The following KIF5A variants were observed in gnomAD, a reference collection of about 807,000 sequenced individuals.
KIF5A encodes kinesin family member 5A, also known as kinesin heavy chain isoform 5A.
KIF5A carries 35 observed loss-of-function variants against 141.3 expected under a neutral mutation model. The observed-to-expected ratio is 0.25, with a 90% confidence interval of 0.19 to 0.33. The LOEUF (loss-of-function observed/expected upper bound fraction) is 0.33. KIF5A is among the 10% of genes least tolerant of loss of function. The pLI, the probability that KIF5A is intolerant of heterozygous loss-of-function variation, is 1.00. For synonymous variants in KIF5A, 448 were observed against 500.2 expected (o/e 0.90, Z 1.39); for missense variants, 861 against 1,314.3 (o/e 0.66, Z 5.33).
Position 57,550,132 on chromosome 12 carries a change from T to G in KIF5A, c.-140T>G, listed in dbSNP as rs1259386474. 2.5e-6 allele frequency: 3 copies of G among 1,221,044 alleles called. No homozygotes were observed. The East Asian group carries it at 7.1e-5, about 29-fold the overall frequency. 75.6% of individuals were successfully genotyped at this position (1,221,044 alleles called of 1,614,324 possible). A position where few individuals can be genotyped will look rare whatever the true frequency, so the allele number is the denominator to read the frequency against. On this transcript the variant is annotated 5_prime_UTR_variant, in exon 1 of 29. Transcript: ENST00000455537. This position sits in a 1 kb window ranked among gnomAD's most constrained non-coding sequence, Gnocchi z 4.6. Reference sequence around the variant, plus strand: ...CGCGCCCCGGCCCTGCTCCCCAGGCTTCGCCCGGGCGCCCTCAACTCTGTC... The same window carrying G: ...CGCGCCCCGGCCCTGCTCCCCAGGCGTCGCCCGGGCGCCCTCAACTCTGTC...
chr12:57,557,289 A>T (rs1284530032), intron 1 of KIF5A, among the ~76,000 whole-genome samples: 1 of 152,098 alleles, frequency 6.6e-6, no homozygotes, highest in Non-Finnish European at 1.5e-5. Context: ...TTGGCTTGAG[A>T]TAGACATATT....
In KIF5A at chr12:57,562,307, C is replaced by T. The variant is rs144265135; in HGVS notation, c.130-1132C>T. On this transcript the variant is annotated intron_variant, in intron 1 of 28. Coordinates refer to ENST00000455537, the MANE Select transcript of KIF5A (RefSeq NM_004984.4). ...CTTGGCTCACTGCAACCTCCGCCTC[C>T]TGGGTTCAAGCGATTCTCCTGCCTC... Among the ~76,000 whole-genome samples the T allele has an allele frequency of 4.8e-3, 735 of 152,280 alleles. 5 individuals are homozygous for T. Among genetic ancestry groups the T allele is most frequent in the African/African-American group, 0.017 (686 of 41,552 alleles).
At chr12:57,567,917 C>G (rs577978319) in intron 8 of KIF5A, among the ~76,000 whole-genome samples, 1 of 150,856 alleles carries the variant, frequency 6.6e-6, no homozygotes, top group Admixed American at 6.6e-5. Context: ...GATTCTTGCT[C>G]TGTCACCCAG....
rs371860261 is a variant in KIF5A, at chr12:57,551,998, A to AAAAAC, written c.129+1621_129+1625dup. On this transcript the variant is annotated intron_variant, in intron 1 of 28. Transcript: ENST00000455537. ...GCAGTCTGTTCAGTCTGGCTGGGCT[A>AAAAAC]AAAACAAAACAAAACAAAACAAAAC... is the stretch of plus-strand genomic sequence containing the variant. 2.2e-3 allele frequency among the ~76,000 whole-genome samples: 335 copies of AAAAAC among 151,852 alleles called. 2 individuals are homozygous for AAAAAC. Among genetic ancestry groups the AAAAAC allele is most frequent in the African/African-American group, 5.6e-3 (232 of 41,476 alleles).
intron 15 of KIF5A, among the ~76,000 whole-genome samples, chr12:57,573,701 T>C (rs1882327997): frequency 6.6e-6 from 1 of 151,696 alleles, no homozygotes; most frequent in South Asian, 2.1e-4. Context: ...TGGTGGCTCA[T>C]GCCTGTAATC....
intron 1 of KIF5A, among the ~76,000 whole-genome samples, chr12:57,562,359 G>C (rs1207565343): frequency 6.6e-6 from 1 of 152,182 alleles, no homozygotes; most frequent in African/African-American, 2.4e-5. Flanking sequence ...GGGATTACAG[G>C]TGCCTGCCAC....
At chr12:57,580,872 AC>A (rs1882573923) in intron 23 of KIF5A, 83 bp from the exon 24 acceptor site, 1 of 1,249,466 alleles carries the variant, frequency 8.0e-7, no homozygotes, top group Non-Finnish European at 1.2e-6. Flanking sequence ...CTCTCTCCTC[AC>A]CCCTGTCCCC....
intron 1 of KIF5A, among the ~76,000 whole-genome samples, chr12:57,563,099 C>T (rs1028013436): frequency 7.3e-5 from 11 of 151,552 alleles, no homozygotes; most frequent in South Asian, 2.1e-4. Context: ...CTCTGCCTCT[C>T]GGGTTCAAGC....
chr12:57,567,462 G>A (rs1263767850), intron 7 of KIF5A, 32 bp from the exon 8 acceptor site: 3 of 1,611,612 alleles, frequency 1.9e-6, no homozygotes, highest in Admixed American at 1.7e-5. Flanking sequence ...CTGCAGGGTG[G>A]TGCAGGTCCT....
intron 27 of KIF5A, chr12:57,582,883 G>C: frequency 1.6e-6 from 1 of 638,564 alleles, no homozygotes; most frequent in South Asian, 1.8e-5. Context: ...AACAACGTGG[G>C]CATCTGACGA....
Position 57,571,523 on chromosome 12 carries a change from G to C in KIF5A, c.1362+134G>C, listed in dbSNP as rs181021103. On this transcript the variant is annotated intron_variant, in intron 13 of 28. Transcript: ENST00000455537. ...GGATTAATCACTCCCCTAAACAGCA[G>C]AAGTCTGGGAACCTCACTGGGGCTT... is the stretch of plus-strand genomic sequence containing the variant. The C allele has an allele frequency of 2.1e-5, 17 of 808,914 alleles. No homozygotes were observed. The East Asian group carries it at 4.6e-4, about 22-fold the overall frequency. The allele number at this position is 808,914 out of a possible 1,614,324, so 50.1% of individuals were successfully genotyped here. A position where few individuals can be genotyped will look rare whatever the true frequency, so the allele number is the denominator to read the frequency against.
rs1363391519 is a variant in KIF5A, at chr12:57,578,291, G to T, written c.2487G>T (p.Lys829Asn). 6.2e-7 allele frequency: 1 copy of T among 1,614,110 alleles called. No homozygotes were observed. The highest frequency in any genetic ancestry group is 1.7e-5 in the Admixed American group (1 of 60,012). ...GGGGGATTCACTCCCAAAAGCAGAA[G>T]ATTTCCTTTCTTGAGAACAACCTGG... ...DSGGIHSQKQ[K>N]ISFLENNLEQ... Residue 829 changes from lysine (K) to asparagine (N), a missense_variant, in exon 23 of 29, where the codon AAG (lysine) becomes AAT (asparagine). Physicochemically the swap from Lys to Asn is moderately conservative, Grantham distance 94. This residue lies in a region of KIF5A where 482 missense variants were observed against 661.3 expected (regional missense o/e 0.73). Transcript: ENST00000455537.
At chr12:57,574,734 T>C (rs1882368628) in intron 15 of KIF5A, among the ~76,000 whole-genome samples, 2 of 151,696 alleles carry the variant, frequency 1.3e-5, no homozygotes, top group South Asian at 2.1e-4. Context: ...GCATGTGCCA[T>C]GATGCTTGGC....
At chr12:57,557,434 A>G (rs1881779800) in intron 1 of KIF5A, among the ~76,000 whole-genome samples, 1 of 152,118 alleles carries the variant, frequency 6.6e-6, no homozygotes, top group South Asian at 2.1e-4. Context: ...CAACACTAAT[A>G]CATTTTAATT....
Position 57,572,078 on chromosome 12 carries a change from A to G in KIF5A, c.1380A>G (p.Arg460=). 1.9e-6 allele frequency: 3 copies of G among 1,613,626 alleles called. No individual in the cohort carries two copies. Among genetic ancestry groups the G allele is most frequent in the Non-Finnish European group, 2.5e-6 (3 of 1,180,032 alleles). The part of the protein sequence containing the change: ...LDQEELLVST[R]GDNEKVQREL... ...CCTTGAAGCTGCTGGTGTCCACCCGAGGAGACAACGAGAAGGTCCAGCGGG... is the reference window on the plus strand; with the variant it reads ...CCTTGAAGCTGCTGGTGTCCACCCGGGGAGACAACGAGAAGGTCCAGCGGG... Residue 460 remains arginine (R), a synonymous_variant, in exon 14 of 29, where the codon CGA becomes CGG. Coordinates refer to ENST00000455537, the MANE Select transcript of KIF5A (RefSeq NM_004984.4). This position sits in a 1 kb window ranked among gnomAD's most constrained non-coding sequence, Gnocchi z 4.2.
chr12:57,552,966 T>A (rs1881624970), intron 1 of KIF5A, among the ~76,000 whole-genome samples: 1 of 151,914 alleles, frequency 6.6e-6, no homozygotes, highest in Non-Finnish European at 1.5e-5. Flanking sequence ...TCTGTGTGCC[T>A]TTTTTCTCCC....
At position 57,568,950 on chromosome 12, in the gene KIF5A, A is replaced by G; in HGVS notation, c.715-13A>G. The G allele has an allele frequency of 6.3e-7, 1 of 1,593,476 alleles. No homozygotes were observed. The highest frequency in any genetic ancestry group is 8.6e-7 in the Non-Finnish European group (1 of 1,161,886). ...AGCTGCTCATACACACTCATCTCTT[A>G]CTGCCCTGGTAGGTCAGCAAGACTG... On this transcript the variant is annotated splice_polypyrimidine_tract_variant and intron_variant, in intron 8 of 28. Coordinates refer to ENST00000455537, the MANE Select transcript of KIF5A (RefSeq NM_004984.4).
At chr12:57,552,522 T>C (rs1375071235) in intron 1 of KIF5A, among the ~76,000 whole-genome samples, 1 of 152,094 alleles carries the variant, frequency 6.6e-6, no homozygotes, top group Non-Finnish European at 1.5e-5. Context: ...CACTTGAAGA[T>C]AAATGCTTAC....
chr12:57,562,113 C>A (rs924517841), intron 1 of KIF5A, among the ~76,000 whole-genome samples: 2 of 152,190 alleles, frequency 1.3e-5, no homozygotes, highest in African/African-American at 4.8e-5. Flanking sequence ...GGTTAGCTTC[C>A]TAAGTTGTAA....
Sources: allele counts gnomAD v4.1 joint callset (sites outside exome capture counted in the v4.1 genomes callset), GRCh38; gene constraint gnomAD v4.1.1; regional missense constraint gnomAD v4.1.1; non-coding constraint Gnocchi (gnomAD v3.1); transcripts MANE v1.5; gene names NCBI Gene and HGNC (gene_info 2026-07-23, HGNC 2026-07-21).